CSMD1: variants seen among roughly 807,000 people sequenced by gnomAD.
CSMD1 encodes CUB and sushi domain-containing protein 1.
In CSMD1, 213 loss-of-function variants were observed where a neutral mutation model predicts 417.5. That is an observed-to-expected ratio of 0.51 (90% CI 0.46 to 0.57). The LOEUF (loss-of-function observed/expected upper bound fraction) is 0.57, where lower values mean the gene tolerates loss of function less well. Ranked by LOEUF, CSMD1 falls within the 20% of genes least tolerant of loss-of-function variation. The probability of loss-of-function intolerance (pLI) is 0.00; values close to 1 mark genes in which losing one functional copy is unlikely to be tolerated. For missense variants in CSMD1, 6,923 were observed against 4,529.7 expected (o/e 1.53, Z -15.17); for synonymous variants, 2,862 against 1,736.8 (o/e 1.65, Z -16.11).
At chr8:3,358,773 T>C (rs563988884) in intron 21 of CSMD1, among the ~76,000 whole-genome samples, 2 of 152,298 alleles carry the variant, frequency 1.3e-5, no homozygotes, top group East Asian at 3.9e-4. Context: ...CGTGCTGCTT[T>C]TAATCAATGC....
chr8:4,255,256 G>T (rs1333632165), intron 3 of CSMD1, among the ~76,000 whole-genome samples: 1 of 152,080 alleles, frequency 6.6e-6, no homozygotes, highest in African/African-American at 2.4e-5. Context: ...TTTATCCAGT[G>T]AATATTTTCT....
chr8:3,420,742 T>C (rs270083), intron 12 of CSMD1, among the ~76,000 whole-genome samples: 117,839 of 152,122 alleles, frequency 0.77, 45,791 homozygotes, highest in South Asian at 0.83. Flanking sequence ...CTTTTAGGCA[T>C]AGGTTATGGA....
At chr8:4,114,123 G>A (rs1003128772) in intron 3 of CSMD1, among the ~76,000 whole-genome samples, 1 of 152,200 alleles carries the variant, frequency 6.6e-6, no homozygotes, top group Admixed American at 6.5e-5. Flanking sequence ...ACTTTCATAG[G>A]AGGAAAGAGG....
intron 8 of CSMD1, among the ~76,000 whole-genome samples, chr8:3,599,341 G>C (rs1463981730): frequency 6.6e-6 from 1 of 152,108 alleles, no homozygotes; most frequent in Non-Finnish European, 1.5e-5. Context: ...CAAATTCTCA[G>C]GATGCAACAC....
chr8:4,583,137 C>G (rs1294538773), intron 2 of CSMD1, among the ~76,000 whole-genome samples: 1 of 152,146 alleles, frequency 6.6e-6, no homozygotes, highest in Non-Finnish European at 1.5e-5. Context: ...CTGTGCGGCC[C>G]AAGCCTCCCC....
At chr8:4,853,756 C>T (rs1563593614) in intron 1 of CSMD1, among the ~76,000 whole-genome samples, 1 of 152,180 alleles carries the variant, frequency 6.6e-6, no homozygotes, top group Non-Finnish European at 1.5e-5. Context: ...GTCATAGGCA[C>T]TCAACTCCAG....
intron 1 of CSMD1, among the ~76,000 whole-genome samples, chr8:4,780,228 T>A (rs142804866): frequency 6.6e-6 from 1 of 152,340 alleles, no homozygotes; most frequent in Non-Finnish European, 1.5e-5. Flanking sequence ...AAACAAAACC[T>A]TTATTTATGA....
chr8:4,603,132 T>G (rs1450543501), intron 2 of CSMD1, among the ~76,000 whole-genome samples: 1 of 152,050 alleles, frequency 6.6e-6, no homozygotes, highest in Non-Finnish European at 1.5e-5. Context: ...GAATTTTTTA[T>G]GGAGACATAG....
intron 5 of CSMD1, among the ~76,000 whole-genome samples, chr8:3,875,299 C>A (rs1009492423): frequency 6.6e-6 from 1 of 152,070 alleles, no homozygotes; most frequent in Non-Finnish European, 1.5e-5. Flanking sequence ...CATTAAGGAT[C>A]CTAAACTCAA....
intron 3 of CSMD1, among the ~76,000 whole-genome samples, chr8:4,261,006 A>C (rs1162058745): frequency 6.6e-6 from 1 of 152,238 alleles, no homozygotes; most frequent in African/African-American, 2.4e-5. Flanking sequence ...TTCAATTAAA[A>C]TACAAAGTTC....
At chr8:3,308,970 C>A (rs1409019686) in intron 23 of CSMD1, among the ~76,000 whole-genome samples, 1 of 151,996 alleles carries the variant, frequency 6.6e-6, no homozygotes, top group Admixed American at 6.6e-5. Context: ...GGCAATCCAC[C>A]CCCTCAGCCT....
At chr8:4,688,158 G>A (rs993028391) in intron 1 of CSMD1, among the ~76,000 whole-genome samples, 2 of 152,162 alleles carry the variant, frequency 1.3e-5, no homozygotes, top group Non-Finnish European at 2.9e-5. Flanking sequence ...TAAGGTATTT[G>A]ATTCTAGGAG....
At chr8:2,979,114 G>C (rs1197768489) in intron 54 of CSMD1, among the ~76,000 whole-genome samples, 1 of 152,144 alleles carries the variant, frequency 6.6e-6, no homozygotes, top group East Asian at 1.9e-4. Context: ...TCTAATAATG[G>C]TCAAATAGAA....
intron 26 of CSMD1, among the ~76,000 whole-genome samples, chr8:3,271,570 C>T (rs1235644051): frequency 6.6e-6 from 1 of 151,654 alleles, no homozygotes; most frequent in Non-Finnish European, 1.5e-5. Context: ...TCCTATTTCT[C>T]CACATCCTCT....
At chr8:4,395,070 G>C (rs1224074708) in intron 3 of CSMD1, among the ~76,000 whole-genome samples, 2 of 152,154 alleles carry the variant, frequency 1.3e-5, no homozygotes, top group Non-Finnish European at 2.9e-5. Context: ...GCTCCAGGGT[G>C]TCCTGGCACC....
chr8:3,852,495 T>C (rs891763017), intron 5 of CSMD1, among the ~76,000 whole-genome samples: 1 of 152,160 alleles, frequency 6.6e-6, no homozygotes. Context: ...ATATAGAAGA[T>C]GCTGACAGTT....
intron 7 of CSMD1, among the ~76,000 whole-genome samples, chr8:3,622,896 G>C (rs973837056): frequency 2.6e-5 from 4 of 152,136 alleles, no homozygotes; most frequent in Admixed American, 6.5e-5. Context: ...TAGTACCTCA[G>C]AGAAACATTT....
At chr8:3,172,938 T>C (rs1820675191) in intron 37 of CSMD1, among the ~76,000 whole-genome samples, 1 of 152,136 alleles carries the variant, frequency 6.6e-6, no homozygotes, top group Non-Finnish European at 1.5e-5. Flanking sequence ...GTACGTGACG[T>C]TACTGATAGG....
chr8:3,114,176 C>T (rs766454969), intron 42 of CSMD1, among the ~76,000 whole-genome samples: 12 of 152,116 alleles, frequency 7.9e-5, no homozygotes, highest in Non-Finnish European at 1.0e-4. Flanking sequence ...CCTGGCAGGT[C>T]AAGGCTACAG....
Sources: allele counts gnomAD v4.1 joint callset (sites outside exome capture counted in the v4.1 genomes callset), GRCh38; gene constraint gnomAD v4.1.1; transcripts MANE v1.5; gene names NCBI Gene and HGNC (gene_info 2026-07-23, HGNC 2026-07-21).